The following TARBP2 variants were observed in gnomAD, a reference collection of about 807,000 sequenced individuals.
TARBP2 encodes the protein RISC-loading complex subunit TARBP2.
Under a neutral mutation model 40.4 loss-of-function variants are expected in TARBP2, and 23 were observed. The ratio of observed to expected loss-of-function variants is 0.57; its 90% CI spans 0.41 to 0.81. The LOEUF is 0.81. Ranked by LOEUF, TARBP2 falls within the 30% of genes least tolerant of loss-of-function variation. TARBP2 has a pLI of 0.00. For synonymous variants in TARBP2, 183 were observed against 190.5 expected, an observed-to-expected ratio of 0.96 and a Z score of 0.32; for missense variants, 358 against 473.7, an observed-to-expected ratio of 0.76 and a Z score of 2.27.
rs1468741558 is a variant in TARBP2, at chr12:53,501,413, G to A, written c.5G>A (p.Ser2Asn). 3.8e-6 allele frequency: 6 copies of A among 1,565,646 alleles called. No homozygotes were observed. Among genetic ancestry groups the A allele is most frequent in the African/African-American group, 1.4e-5 (1 of 73,898 alleles). Residue 2 changes from serine to asparagine, a missense_variant, in exon 1 of 9, where the codon AGT (serine) becomes AAT (asparagine). This residue lies in a region of TARBP2 where 32 missense variants were observed against 21.6 expected (regional missense o/e 1.48). Transcript: ENST00000266987. The part of the protein sequence containing the change: M[S>N]EEEQGSGTTT... ...CCCGCGGGGACGGAGGAGGGAATGA[G>A]TGAAGAGGAGCAAGGCTCCGGCACT... is the stretch of plus-strand genomic sequence containing the variant.
In TARBP2 at chr12:53,502,010, C is replaced by A; in HGVS notation, c.54-5C>A. ...TGTGATGTGGGTCTGTGCCCCTTCC[C>A]CCAGTATAGAGCAAATGCTGGCCGC... On this transcript the variant is annotated splice_region_variant and splice_polypyrimidine_tract_variant and intron_variant, in intron 1 of 8. Coordinates refer to ENST00000266987, the MANE Select transcript of TARBP2 (RefSeq NM_134323.2). 1 of 1,614,064 alleles carries A rather than the reference C, an allele frequency of 6.2e-7. No individual in the cohort carries two copies. The highest frequency in any genetic ancestry group is 8.5e-7 in the Non-Finnish European group (1 of 1,179,982).
rs1592733187 is a variant in TARBP2 at position 53,502,108 on chromosome 12, C to T, written c.147C>T (p.Asp49=). Residue 49 remains aspartate, a synonymous_variant, in exon 2 of 9, where the codon GAC becomes GAT. Transcript: ENST00000266987. Reference sequence around the variant, plus strand: ...GAATAGGGAAGACGCCTGTGTACGACCTTCTCAAAGCCGAGGGCCAAGCCC... The same window carrying T: ...GAATAGGGAAGACGCCTGTGTACGATCTTCTCAAAGCCGAGGGCCAAGCCC... ...GTRIGKTPVY[D]LLKAEGQAHQ... 3 of 1,614,088 alleles carry T rather than the reference C, an allele frequency of 1.9e-6. No individual in the cohort carries two copies. The highest frequency in any genetic ancestry group is 1.3e-5 in the African/African-American group (1 of 74,934).
At chr12:53,503,324 T>TA in intron 3 of TARBP2, 195 bp downstream of exon 3, 1 of 1,302,360 alleles carries the variant, frequency 7.7e-7, no homozygotes, top group East Asian at 2.8e-5. Flanking sequence ...AGGGGTTGGT[T>TA]AGCCCCATAG....
Position 53,506,113 on chromosome 12 carries a change from C to G in TARBP2, c.1066C>G (p.Leu356Val). 6.2e-7 allele frequency: 1 copy of G among 1,614,032 alleles called. No individual in the cohort carries two copies. The highest frequency in any genetic ancestry group is 8.5e-7 in the Non-Finnish European group (1 of 1,180,006). Residue 356 changes from leucine to valine, a missense_variant, in exon 9 of 9, where the codon CTG (leucine) becomes GTG (valine). By Grantham distance (32) the Leu-to-Val change is conservative. Coordinates refer to ENST00000266987, the MANE Select transcript of TARBP2 (RefSeq NM_134323.2). The part of the protein sequence containing the change: ...AARGEAARRA[L>V]QYLKIMAGSK ...CCGTGGTGAGGCTGCCCGCCGTGCC[C>G]TGCAGTACCTCAAGATCATGGCAGG...
intron 1 of TARBP2, 165 bp downstream of exon 1, chr12:53,501,626 C>T (rs1943713413): frequency 1.4e-6 from 2 of 1,463,314 alleles, no homozygotes; most frequent in Non-Finnish European, 1.8e-6. Context: ...CTGCTGCCTC[C>T]AGCTCTAAAT....
Position 53,504,402 on chromosome 12 carries a change from C to A in TARBP2, c.428C>A (p.Pro143His), listed in dbSNP as rs150772647. The change falls in exon 5 of 9, where the codon CCC (proline) becomes CAC (histidine). Residue 143 changes from proline (P) to histidine (H), a missense_variant. Transcript: ENST00000266987. ...PVPSVVLTRS[P>H]PMELQPPVSP... ...CCCTGTGCCTTTTCCTTCAGGAGCC[C>A]CCCCATGGAACTGCAGCCCCCTGTC... 2 of 1,556,950 alleles carry A rather than the reference C, an allele frequency of 1.3e-6. No individual in the cohort carries two copies. The highest frequency in any genetic ancestry group is 2.5e-5 in the South Asian group (2 of 80,368).
chr12:53,501,661 G>C (rs1325042127), intron 1 of TARBP2, 200 bp downstream of exon 1: 72 of 1,444,286 alleles, frequency 5.0e-5, no homozygotes, highest in Non-Finnish European at 6.5e-5. Context: ...CCGGTTCCCA[G>C]ACTGCACTGG....
chr12:53,501,742 G>T, intron 1 of TARBP2: 1 of 1,423,920 alleles, frequency 7.0e-7, no homozygotes, highest in Non-Finnish European at 9.2e-7. Context: ...CACTGTGTCA[G>T]GGGGTATGCA....
chr12:53,502,214 G>A (rs1481114531), intron 2 of TARBP2, 30 bp downstream of exon 2: 3 of 1,612,242 alleles, frequency 1.9e-6, no homozygotes, highest in Non-Finnish European at 2.5e-6. Flanking sequence ...CCTGGCTGGG[G>A]TGTGCATTTG....
At chr12:53,503,329 C>G (rs1159382315) in intron 3 of TARBP2, 200 bp downstream of exon 3, 1 of 1,273,978 alleles carries the variant, frequency 7.8e-7, no homozygotes, top group Non-Finnish European at 1.0e-6. Flanking sequence ...TTGGTTAGCC[C>G]CATAGAGGGG....
In TARBP2 at chr12:53,505,326, A is replaced by T. The variant is rs900313969; in HGVS notation, c.741+64A>T. On this transcript the variant is annotated intron_variant, in intron 7 of 8. Transcript: ENST00000266987. The surrounding 1 kb of genome is among the most constrained non-coding windows in gnomAD (Gnocchi z 4.5). The stretch of plus-strand genomic sequence containing the variant: ...TCCATGCCAGGGCAGGGCTCCAGGG[A>T]CTTGGGTCTGTGACTCAGCAGTGAG... 1.8e-5 allele frequency: 27 copies of T among 1,527,650 alleles called. No homozygotes were observed. In the Middle Eastern group the frequency reaches 5.8e-4, roughly 33 times the overall value. The allele number at this position is 1,527,650 out of a possible 1,614,324, so 94.6% of individuals were successfully genotyped here.
Position 53,505,579 on chromosome 12 carries a change from C to G in TARBP2, c.742-70C>G. On this transcript the variant is annotated intron_variant, in intron 7 of 8. Coordinates refer to ENST00000266987, the MANE Select transcript of TARBP2 (RefSeq NM_134323.2). This position sits in a 1 kb window ranked among gnomAD's most constrained non-coding sequence, Gnocchi z 4.5. Reference sequence around the variant, plus strand: ...TTCTTTGTGCTTTGTTCTCCTTTGACGTTGAATGTCTCAATGCCTGGGTCC... The same window carrying G: ...TTCTTTGTGCTTTGTTCTCCTTTGAGGTTGAATGTCTCAATGCCTGGGTCC... 6.9e-7 allele frequency: 1 copy of G among 1,452,580 alleles called. No individual in the cohort carries two copies. The highest frequency in any genetic ancestry group is 1.2e-5 in the South Asian group (1 of 86,456). 90.0% of individuals were successfully genotyped at this position (1,452,580 alleles called of 1,614,324 possible).
At chr12:53,502,841 G>A in intron 2 of TARBP2, 186 bp from the exon 3 acceptor site, 1 of 524,834 alleles carries the variant, frequency 1.9e-6, no homozygotes, top group Non-Finnish European at 3.2e-6. Context: ...AATTCTGGAA[G>A]CTAACGGAAA....
chr12:53,506,057 G>A lies in TARBP2; in HGVS notation c.1010G>A (p.Cys337Tyr), dbSNP rs1325665386. 6.2e-7 allele frequency: 1 copy of A among 1,614,004 alleles called. No homozygotes were observed. The highest frequency in any genetic ancestry group is 8.5e-7 in the Non-Finnish European group (1 of 1,180,028). The change falls in exon 9 of 9, where the codon TGT becomes TAT. Residue 337 changes from cysteine (C) to tyrosine (Y), a missense_variant. Cys to Tyr is a radical substitution (Grantham distance 194). Around this residue, in one of 3 missense-constraint regions of TARBP2, gnomAD observed 317 missense variants for 422.9 expected, o/e 0.75. Coordinates refer to ENST00000266987, the MANE Select transcript of TARBP2 (RefSeq NM_134323.2). ...VELSTQPATV[C>Y]HGSATTREAA... is the part of the protein sequence containing the mutation. ...CTGTCCACCCAGCCGGCCACTGTGT[G>A]TCATGGCTCTGCAACCACCAGGGAG...
At chr12:53,502,944 C>T (rs553482153) in intron 2 of TARBP2, 83 bp from the exon 3 acceptor site, 30 of 1,412,388 alleles carry the variant, frequency 2.1e-5, no homozygotes, top group Non-Finnish European at 2.8e-5. Flanking sequence ...TTCCCTCTGG[C>T]TACGAGGAGA....
rs375074052 is a variant in TARBP2 at position 53,505,278 on chromosome 12, G to A, written c.741+16G>A. 3 of 1,576,812 alleles carry A rather than the reference G, an allele frequency of 1.9e-6. No individual in the cohort carries two copies. In the African/African-American group the frequency reaches 4.0e-5, roughly 21 times the overall value. ...CTTCTCCATTGTGAGTGGCTCATGT[G>A]GGCCGGGCACCGTGGCCCATCCTCC... On this transcript the variant is annotated intron_variant, in intron 7 of 8. Transcript: ENST00000266987. The surrounding 1 kb of genome is among the most constrained non-coding windows in gnomAD (Gnocchi z 4.5).
At chr12:53,501,931 T>G (rs1943731564) in intron 1 of TARBP2, 84 bp from the exon 2 acceptor site, 2 of 1,549,228 alleles carry the variant, frequency 1.3e-6, no homozygotes, top group Non-Finnish European at 1.8e-6. Context: ...TCCCCCATAA[T>G]GTGCCTAGGT....
At chr12:53,501,030 G>T, upstream of TARBP2, 1 of 249,252 alleles carries the variant, frequency 4.0e-6, no homozygotes, top group Non-Finnish European at 8.0e-6. Context: ...CCTACCCAGC[G>T]GCTTCCCCTC....
intron 2 of TARBP2, chr12:53,502,804 G>A (rs1267662080): frequency 7.1e-6 from 3 of 425,330 alleles, no homozygotes; most frequent in African/African-American, 4.1e-5. Flanking sequence ...AGGCGTTTGA[G>A]CTCAGAAGTC....
Sources: gnomAD v4.1 joint callset for allele counts on GRCh38, gnomAD v4.1.1 for gene constraint, gnomAD v4.1.1 regional missense constraint, Gnocchi (gnomAD v3.1) non-coding constraint, MANE v1.5 for transcripts, NCBI Gene and HGNC (gene_info 2026-07-23, HGNC 2026-07-21) for gene names.